CEP41: variants seen among roughly 807,000 people sequenced by gnomAD.
CEP41 encodes the protein centrosomal protein 41.
In CEP41, 32 loss-of-function variants were observed where a neutral mutation model predicts 44.3. That is an observed-to-expected ratio of 0.72 (90% CI 0.54 to 0.97). The LOEUF (loss-of-function observed/expected upper bound fraction) is 0.97, where lower values mean the gene tolerates loss of function less well. CEP41 is among the 50% of genes least tolerant of loss of function. CEP41 has a pLI of 0.00. For synonymous variants in CEP41, 151 were observed against 168.5 expected, an observed-to-expected ratio of 0.90 and a Z score of 0.80; for missense variants, 432 against 455.2, an observed-to-expected ratio of 0.95 and a Z score of 0.46.
At position 130,430,736 on chromosome 7, in the gene CEP41, A is replaced by ATT. The variant is rs782527935; in HGVS notation, c.34-2720_34-2719dup. Among the ~76,000 whole-genome samples the ATT allele has an allele frequency of 5.9e-5, 9 of 151,926 alleles. No individual in the cohort carries two copies. The South Asian group carries it at 1.9e-3, about 32-fold the overall frequency. On this transcript the variant is annotated intron_variant, in intron 1 of 10. Coordinates refer to ENST00000223208, the MANE Select transcript of CEP41 (RefSeq NM_018718.3). The stretch of plus-strand genomic sequence containing the variant: ...CATTGCAGTTATCTTGGGCTAAGGG[A>ATT]TTTTTTTTCTGCACTCTGTATTTTT...
chr7:130,397,413 T>C lies in CEP41; in HGVS notation c.*1478A>G. On this transcript the variant is annotated 3_prime_UTR_variant, in exon 11 of 11. Coordinates refer to ENST00000223208, the MANE Select transcript of CEP41 (RefSeq NM_018718.3). Reference sequence around the variant, plus strand: ...CACTCTAAAACAGAACTGGGCTGAATCTGAAAGTTATTTTTCCATATGTCT... The same window carrying C: ...CACTCTAAAACAGAACTGGGCTGAACCTGAAAGTTATTTTTCCATATGTCT... 2.2e-6 allele frequency: 1 copy of C among 447,584 alleles called. No individual in the cohort carries two copies. The highest frequency in any genetic ancestry group is 1.6e-5 in the South Asian group (1 of 63,320). 27.7% of individuals were successfully genotyped at this position (447,584 alleles called of 1,614,324 possible).
Position 130,398,864 on chromosome 7 carries a change from T to C in CEP41, c.*27A>G. 6.2e-7 allele frequency: 1 copy of C among 1,613,502 alleles called. No homozygotes were observed. The highest frequency in any genetic ancestry group is 8.5e-7 in the Non-Finnish European group (1 of 1,179,402). ...AGGGGTTCTGAAAAGAGGAAGAACA[T>C]TTATTTGCCTAAGTGAGACAAAGTC... is the stretch of plus-strand genomic sequence containing the variant. On this transcript the variant is annotated 3_prime_UTR_variant, in exon 11 of 11. Coordinates refer to ENST00000223208, the MANE Select transcript of CEP41 (RefSeq NM_018718.3).
chr7:130,440,265 C>T (rs1798107048), intron 1 of CEP41, among the ~76,000 whole-genome samples: 1 of 152,168 alleles, frequency 6.6e-6, no homozygotes, highest in African/African-American at 2.4e-5. Flanking sequence ...GTGATCCGCC[C>T]GCCTCGGCCT....
intron 1 of CEP41, among the ~76,000 whole-genome samples, chr7:130,434,915 G>A (rs1797919304): frequency 6.6e-6 from 1 of 152,062 alleles, no homozygotes; most frequent in African/African-American, 2.4e-5. Flanking sequence ...TTGTACAACT[G>A]AGGTCTTACA....
intron 5 of CEP41, among the ~76,000 whole-genome samples, chr7:130,406,978 T>A (rs1273784846): frequency 6.6e-6 from 1 of 151,486 alleles, no homozygotes; most frequent in African/African-American, 2.4e-5. Context: ...TAAAAAAAAG[T>A]ATATAAAAAA....
chr7:130,401,894 T>C lies in CEP41; in HGVS notation c.629A>G (p.Asp210Gly). 1 of 1,598,962 alleles carries C rather than the reference T, an allele frequency of 6.3e-7. No homozygotes were observed. The highest frequency in any genetic ancestry group is 8.6e-7 in the Non-Finnish European group (1 of 1,166,294). ...LSRTMNPYSN[D>G]ILEYKNAHGK... ...AACAAAGGATACATATTCAAGAATA[T>C]CATTTGAATAAGGGTTCATTGTTCT... The change falls in exon 8 of 11, where the codon GAT becomes GGT. Residue 210 changes from aspartate (D) to glycine (G), a missense_variant. Transcript: ENST00000223208.
intron 2 of CEP41, chr7:130,420,575 C>T (rs1263877488): frequency 6.6e-6 from 1 of 151,980 alleles, no homozygotes; most frequent in Non-Finnish European, 1.5e-5. Flanking sequence ...AGTTCGAGAC[C>T]AGCCTGACCA....
At chr7:130,432,860 G>T (rs1352893350) in intron 1 of CEP41, among the ~76,000 whole-genome samples, 1 of 152,148 alleles carries the variant, frequency 6.6e-6, no homozygotes, top group Non-Finnish European at 1.5e-5. Flanking sequence ...TTTGGGAGTT[G>T]TCAGCCTACA....
chr7:130,438,903 TAAATC>T (rs1798056717), intron 1 of CEP41, among the ~76,000 whole-genome samples: 1 of 152,236 alleles, frequency 6.6e-6, no homozygotes, highest in South Asian at 2.1e-4. Context: ...GTGGAATGAT[TAAATC>T]AAATTAACAT....
rs1562971428 is a variant in CEP41, at chr7:130,394,833, T to C, written c.*4058A>G. 1 of 454,136 alleles carries C rather than the reference T, an allele frequency of 2.2e-6. No homozygotes were observed. The highest frequency in any genetic ancestry group is 6.9e-5 in the East Asian group (1 of 14,404). 28.1% of individuals were successfully genotyped at this position (454,136 alleles called of 1,614,324 possible). On this transcript the variant is annotated 3_prime_UTR_variant, in exon 11 of 11. Coordinates refer to ENST00000223208, the MANE Select transcript of CEP41 (RefSeq NM_018718.3). ...ACTCTCTGGGAGCTTATAGTCAAAATAATTGCAACAGGAAGACATATTGAT... is the reference window on the plus strand; with the variant it reads ...ACTCTCTGGGAGCTTATAGTCAAAACAATTGCAACAGGAAGACATATTGAT...
At position 130,398,493 on chromosome 7, in the gene CEP41, C is replaced by G. The variant is rs1554415843; in HGVS notation, c.*398G>C. 2.2e-6 allele frequency: 1 copy of G among 455,770 alleles called. No individual in the cohort carries two copies. The highest frequency in any genetic ancestry group is 6.9e-5 in the East Asian group (1 of 14,448). 28.2% of individuals were successfully genotyped at this position (455,770 alleles called of 1,614,324 possible). ...TCAAGAACAGTGAATGAAAAGGTGGCAGGGACAGGCACACGGGCAGATGTG... is the reference window on the plus strand; with the variant it reads ...TCAAGAACAGTGAATGAAAAGGTGGGAGGGACAGGCACACGGGCAGATGTG... On this transcript the variant is annotated 3_prime_UTR_variant, in exon 11 of 11. Coordinates refer to ENST00000223208, the MANE Select transcript of CEP41 (RefSeq NM_018718.3).
upstream of CEP41, chr7:130,441,304 G>A (rs1798160864): frequency 2.1e-6 from 1 of 469,380 alleles, no homozygotes. Context: ...GGCGGGGGCA[G>A]TGGCTTGAGA....
At chr7:130,437,581 G>A (rs556866030) in intron 1 of CEP41, among the ~76,000 whole-genome samples, 2 of 138,634 alleles carry the variant, frequency 1.4e-5, no homozygotes, top group East Asian at 2.0e-4. Flanking sequence ...GACCCTCTTG[G>A]GCAACATAGG....
At chr7:130,410,993 T>TAAC (rs1797165408) in intron 5 of CEP41, 129 bp downstream of exon 5, 3 of 849,218 alleles carry the variant, frequency 3.5e-6, no homozygotes, top group Non-Finnish European at 6.2e-6. Context: ...TCCCTGAGAG[T>TAAC]AACAATCTAA....
intron 1 of CEP41, among the ~76,000 whole-genome samples, chr7:130,436,994 G>A (rs577641951): frequency 1.5e-3 from 227 of 152,202 alleles, no homozygotes; most frequent in African/African-American, 5.0e-3. Flanking sequence ...AGCCGAAATC[G>A]CACCACTGCA....
rs1554416538 is a variant in CEP41 at position 130,400,272 on chromosome 7, T to C, written c.758-18A>G. ...TTTTAGACCTAGGTTTGGAAAATCA[T>C]CAGAAAAAGCTGCATTAATATGGCA... is the stretch of plus-strand genomic sequence containing the variant. On this transcript the variant is annotated intron_variant, in intron 9 of 10. Transcript: ENST00000223208. 6.3e-7 allele frequency: 1 copy of C among 1,591,090 alleles called. No individual in the cohort carries two copies. The highest frequency in any genetic ancestry group is 1.7e-5 in the Admixed American group (1 of 59,984).
In CEP41 at chr7:130,400,718, A is replaced by C. The variant is rs1562977278; in HGVS notation, c.746T>G (p.Met249Arg). 6.2e-7 allele frequency: 1 copy of C among 1,610,360 alleles called. No individual in the cohort carries two copies. The highest frequency in any genetic ancestry group is 2.2e-5 in the East Asian group (1 of 44,868). The change falls in exon 9 of 11, where the codon ATG becomes AGG. Residue 249 changes from methionine to arginine, a missense_variant. Coordinates refer to ENST00000223208, the MANE Select transcript of CEP41 (RefSeq NM_018718.3). The stretch of plus-strand genomic sequence containing the variant: ...ATCACCTTGCTCACCTCCGGAAAGC[A>C]TGAAGAGGTTTTCAAATCCACGCTC... ...MCERGFENLF[M>R]LSGGLKVLAQ...
chr7:130,412,149 T>G (rs782809976), intron 4 of CEP41, 30 bp downstream of exon 4: 5 of 1,247,494 alleles, frequency 4.0e-6, no homozygotes, highest in Non-Finnish European at 5.9e-6. Context: ...TAGACAGACT[T>G]TACTCCAGTG....
chr7:130,420,791 A>AAATT (rs1246978509), intron 2 of CEP41: 49 of 596,802 alleles, frequency 8.2e-5, no homozygotes, highest in Non-Finnish European at 9.7e-5. Context: ...ATAAATAAAT[A>AAATT]AATAGGAAAA....
Sources: allele counts gnomAD v4.1 joint callset (sites outside exome capture counted in the v4.1 genomes callset), GRCh38; gene constraint gnomAD v4.1.1; transcripts MANE v1.5; gene names NCBI Gene and HGNC (gene_info 2026-07-23, HGNC 2026-07-21).